GTF2I: variants seen among roughly 807,000 people sequenced by gnomAD.
The protein encoded by GTF2I is general transcription factor II-I.
Under a neutral mutation model 67.6 loss-of-function variants are expected in GTF2I, and 12 were observed. The observed-to-expected ratio is 0.18, with a 90% CI of 0.11 to 0.29. The LOEUF is 0.29. GTF2I is among the 10% of genes least tolerant of loss of function. The pLI is 1.00. For missense variants in GTF2I, 271 were observed against 580.1 expected, an observed-to-expected ratio of 0.47 and a Z score of 5.47; for synonymous variants, 149 against 197.0, an observed-to-expected ratio of 0.76 and a Z score of 2.04.
chr7:74,661,679 C>CAAAAAA (rs1288807027), intron 1 of GTF2I, among the ~76,000 whole-genome samples: 1 of 35,938 alleles, frequency 2.8e-5, no homozygotes, highest in Non-Finnish European at 4.7e-5. Context: ...GACTGTGTCT[C>CAAAAAA]AAAAAAAATA....
intron 7 of GTF2I, 37 bp downstream of exon 7, chr7:74,705,255 C>T: frequency 7.9e-7 from 1 of 1,271,182 alleles, no homozygotes; most frequent in Non-Finnish European, 1.1e-6. Context: ...TTAACTCCCA[C>T]ACCTCAAAAA....
At chr7:74,694,725 G>A (rs1202207496) in intron 3 of GTF2I, among the ~76,000 whole-genome samples, 2 of 152,186 alleles carry the variant, frequency 1.3e-5, no homozygotes, top group East Asian at 3.8e-4. Context: ...CACAAAACCC[G>A]ATTTTCAACG....
intron 12 of GTF2I, among the ~76,000 whole-genome samples, chr7:74,723,709 G>T (rs1477842724): frequency 6.6e-6 from 1 of 151,952 alleles, no homozygotes. Context: ...AGGATTACAG[G>T]CATGAACCAC....
chr7:74,700,459 C>T (rs782685042), intron 5 of GTF2I, 29 bp downstream of exon 5: 5 of 1,611,358 alleles, frequency 3.1e-6, no homozygotes, highest in Middle Eastern at 1.7e-4. Context: ...TTGTACCCAT[C>T]AACAGTTGAT....
chr7:74,711,023 CT>C lies in GTF2I; in HGVS notation c.686-5del. 1 of 1,470,050 alleles carries C rather than the reference CT, an allele frequency of 6.8e-7. No individual in the cohort carries two copies. Among genetic ancestry groups the C allele is most frequent in the Non-Finnish European group, 9.3e-7 (1 of 1,070,382 alleles). 91.1% of individuals were successfully genotyped at this position (1,470,050 alleles called of 1,614,324 possible). A position where few individuals can be genotyped will look rare whatever the true frequency, so the allele number is the denominator to read the frequency against. On this transcript the variant is annotated splice_region_variant and splice_polypyrimidine_tract_variant and intron_variant, in intron 8 of 34. Coordinates refer to ENST00000573035, the MANE Select transcript of GTF2I (RefSeq NM_032999.4). ...ACATGCAATCATATCATTGCATTTG[CT>C]TTTCTAGGCATTTCCCTGGAAATGG...
At chr7:74,685,193 A>G (rs1421772411) in intron 1 of GTF2I, among the ~76,000 whole-genome samples, 8 of 152,204 alleles carry the variant, frequency 5.3e-5, no homozygotes, top group African/African-American at 1.9e-4. Flanking sequence ...TGAAGTTACA[A>G]AGTTACACTT....
At chr7:74,686,379 A>C (rs1562949524) in intron 1 of GTF2I, among the ~76,000 whole-genome samples, 2 of 152,182 alleles carry the variant, frequency 1.3e-5, no homozygotes, top group Non-Finnish European at 2.9e-5. Flanking sequence ...ATGGCGATTA[A>C]AGATGAGAAA....
At chr7:74,658,668 G>A (rs1804168302) in intron 1 of GTF2I, among the ~76,000 whole-genome samples, 1 of 150,266 alleles carries the variant, frequency 6.7e-6, no homozygotes, top group African/African-American at 2.4e-5. Flanking sequence ...GGGGGAGCGG[G>A]AGCGCTGTCC....
At chr7:74,688,886 T>C (rs1404033562) in intron 1 of GTF2I, 1 of 417,266 alleles carries the variant, frequency 2.4e-6, no homozygotes, top group African/African-American at 2.0e-5. Context: ...CCTGGATTTA[T>C]TTGGGGTGTG....
chr7:74,669,224 G>GTTTTT (rs34714148), intron 1 of GTF2I, among the ~76,000 whole-genome samples: 69 of 75,452 alleles, frequency 9.1e-4, no homozygotes, highest in Non-Finnish European at 1.2e-3. Flanking sequence ...GACTAGTTTA[G>GTTTTT]TTTTTTTTTT....
intron 1 of GTF2I, among the ~76,000 whole-genome samples, chr7:74,683,912 G>C (rs781815177): frequency 1.3e-5 from 2 of 152,148 alleles, no homozygotes; most frequent in Non-Finnish European, 1.5e-5. Context: ...TATGAGCACA[G>C]AGCAAAATGT....
chr7:74,658,745 G>A (rs1554384982), intron 1 of GTF2I, among the ~76,000 whole-genome samples: 1 of 151,556 alleles, frequency 6.6e-6, no homozygotes, highest in East Asian at 2.0e-4. Flanking sequence ...CGGCGCGCCT[G>A]CCCCGCGGGG....
chr7:74,698,389 CTTTTTTTT>C (rs67968753), intron 3 of GTF2I, among the ~76,000 whole-genome samples: 12 of 55,908 alleles, frequency 2.1e-4, no homozygotes, highest in African/African-American at 1.0e-3. Flanking sequence ...CGCACCTGGC[CTTTTTTTT>C]TTTTTTTTTT....
chr7:74,670,373 T>C (rs587682456), intron 1 of GTF2I, among the ~76,000 whole-genome samples: 2 of 152,276 alleles, frequency 1.3e-5, no homozygotes, highest in South Asian at 4.1e-4. Flanking sequence ...TTTGCTCTGT[T>C]GCCTGCCTTC....
At chr7:74,680,099 A>T (rs13239753) in intron 1 of GTF2I, among the ~76,000 whole-genome samples, 8,131 of 93,166 alleles carry the variant, frequency 0.087, 554 homozygotes, top group Non-Finnish European at 0.13. Context: ...AAAAAAAAAA[A>T]ATATATATAT....
At chr7:74,691,547 A>G (rs782106643) in intron 3 of GTF2I, among the ~76,000 whole-genome samples, 38 of 152,314 alleles carry the variant, frequency 2.5e-4, no homozygotes, top group Non-Finnish European at 4.3e-4. Flanking sequence ...GGTTTAAACT[A>G]AAAAAGATTT....
chr7:74,706,817 C>A (rs1790775536), intron 8 of GTF2I, among the ~76,000 whole-genome samples: 1 of 152,130 alleles, frequency 6.6e-6, no homozygotes, highest in South Asian at 2.1e-4. Flanking sequence ...AGACCATTTT[C>A]AATTCTCAAA....
intron 12 of GTF2I, among the ~76,000 whole-genome samples, chr7:74,720,043 T>G (rs1032579088): frequency 5.9e-5 from 9 of 152,234 alleles, no homozygotes; most frequent in Admixed American, 3.3e-4. Flanking sequence ...TGGAAAGTTT[T>G]CTTCACCCTC....
At chr7:74,661,957 A>G (rs1214493178) in intron 1 of GTF2I, among the ~76,000 whole-genome samples, 4 of 152,068 alleles carry the variant, frequency 2.6e-5, no homozygotes, top group African/African-American at 9.7e-5. Flanking sequence ...CAGATGCCCA[A>G]AGTCTGCCAC....
Sources: allele counts gnomAD v4.1 joint callset (sites outside exome capture counted in the v4.1 genomes callset), GRCh38; gene constraint gnomAD v4.1.1; transcripts MANE v1.5; gene names NCBI Gene and HGNC (gene_info 2026-07-23, HGNC 2026-07-21).